Variants in LIMCH1 observed in about 807,000 individuals in gnomAD.
LIMCH1 encodes LIM and calponin homology domains-containing protein 1.
A neutral mutation model predicts 176.5 loss-of-function variants in LIMCH1; 113 were observed. The observed-to-expected ratio is 0.64, with a 90% CI of 0.55 to 0.75. The LOEUF is 0.75. Among genes scored for constraint, LIMCH1 ranks in the 30% least tolerant of loss-of-function variants. The pLI, the probability that LIMCH1 is intolerant of heterozygous loss-of-function variation, is 0.00. For missense variants in LIMCH1, 1,674 were observed against 1,814.9 expected, an observed-to-expected ratio of 0.92 and a Z score of 1.41; for synonymous variants, 619 against 645.9, an observed-to-expected ratio of 0.96 and a Z score of 0.63.
chr4:41,437,561 G>A (rs1016166236), intron 1 of LIMCH1, among the ~76,000 whole-genome samples: 4 of 152,330 alleles, frequency 2.6e-5, no homozygotes, highest in African/African-American at 9.6e-5. Context: ...ACGTAGCATG[G>A]GAAGGATCCA....
At chr4:41,632,671 C>T (rs982943314) in intron 10 of LIMCH1, 78 bp from the exon 11 acceptor site, 69 of 1,154,634 alleles carry the variant, frequency 6.0e-5, no homozygotes, top group Non-Finnish European at 8.2e-5. Flanking sequence ...TCTTTCAGTC[C>T]CAAGGACTTT....
intron 4 of LIMCH1, among the ~76,000 whole-genome samples, chr4:41,606,550 A>G (rs2090739256): frequency 6.6e-6 from 1 of 152,206 alleles, no homozygotes. Context: ...AATTTGGAAA[A>G]CATTTCATAC....
intron 3 of LIMCH1, chr4:41,604,351 T>C (rs964098230): frequency 5.4e-6 from 2 of 373,734 alleles, no homozygotes; most frequent in African/African-American, 4.4e-5. Context: ...TTAAATCTTT[T>C]GCACTTTTAT....
At chr4:41,384,364 C>T (rs1339204838) in intron 1 of LIMCH1, among the ~76,000 whole-genome samples, 3 of 152,012 alleles carry the variant, frequency 2.0e-5, no homozygotes, top group Middle Eastern at 3.4e-3. Context: ...GCCACCACGC[C>T]GGGCTATTTT....
chr4:41,526,040 A>C (rs1200447916), intron 3 of LIMCH1, among the ~76,000 whole-genome samples: 1 of 152,178 alleles, frequency 6.6e-6, no homozygotes, highest in African/African-American at 2.4e-5. Flanking sequence ...TAATTTTAGT[A>C]AAATTAACTG....
chr4:41,650,788 C>A (rs1403755493), intron 18 of LIMCH1, among the ~76,000 whole-genome samples, 180 bp downstream of exon 18: 1 of 152,110 alleles, frequency 6.6e-6, no homozygotes, highest in African/African-American at 2.4e-5. Flanking sequence ...GTCTCACAGT[C>A]CTGGTAGCTA....
At chr4:41,423,497 G>C (rs1289197373) in intron 1 of LIMCH1, among the ~76,000 whole-genome samples, 3 of 152,014 alleles carry the variant, frequency 2.0e-5, no homozygotes, top group Non-Finnish European at 4.4e-5. Context: ...CTAGCAGATG[G>C]ATTTGAGAGT....
chr4:41,609,198 A>G (rs2091119066), intron 4 of LIMCH1, among the ~76,000 whole-genome samples: 1 of 151,526 alleles, frequency 6.6e-6, no homozygotes, highest in South Asian at 2.1e-4. Flanking sequence ...ATCTCTGCCT[A>G]AAAGAGCAAC....
In LIMCH1 at chr4:41,471,805, C is replaced by A. The variant is rs965769834; in HGVS notation, c.97-22731C>A. On this transcript the variant is annotated intron_variant, in intron 1 of 26. Coordinates refer to the LIMCH1 transcript ENST00000313860. ...TACCTTTTTGACTTACTCATTCCAGCCATGTATGTTTGTTCCTGGAACTTC... is the reference window on the plus strand; with the variant it reads ...TACCTTTTTGACTTACTCATTCCAGACATGTATGTTTGTTCCTGGAACTTC... Among the ~76,000 whole-genome samples the A allele has an allele frequency of 3.3e-5, 5 of 152,088 alleles. No individual in the cohort carries two copies. In the East Asian group the frequency reaches 9.6e-4, roughly 29 times the overall value.
At chr4:41,547,184 C>T (rs765672233) in intron 1 of LIMCH1, among the ~76,000 whole-genome samples, 2 of 152,128 alleles carry the variant, frequency 1.3e-5, no homozygotes, top group Non-Finnish European at 2.9e-5. Flanking sequence ...CTACTCTTCA[C>T]ACAATTTTGA....
At chr4:41,691,052 G>A (rs1473649488) in intron 30 of LIMCH1, among the ~76,000 whole-genome samples, 3 of 152,144 alleles carry the variant, frequency 2.0e-5, no homozygotes, top group Non-Finnish European at 4.4e-5. Flanking sequence ...AAGCAAGGTG[G>A]TAAGGGCTCT....
At chr4:41,624,956 C>T (rs1054540614) in intron 7 of LIMCH1, among the ~76,000 whole-genome samples, 26 of 152,126 alleles carry the variant, frequency 1.7e-4, no homozygotes, top group Non-Finnish European at 1.5e-5. Context: ...TGGCATTTCT[C>T]GTTTCACATT....
At chr4:41,672,900 G>A (rs141036591) in intron 22 of LIMCH1, among the ~76,000 whole-genome samples, 38 of 152,272 alleles carry the variant, frequency 2.5e-4, no homozygotes, top group Middle Eastern at 3.4e-3. Flanking sequence ...TTCCTTGACC[G>A]TACAGTAAGA....
chr4:41,627,480 A>C (rs2093044034), intron 8 of LIMCH1, among the ~76,000 whole-genome samples: 1 of 152,214 alleles, frequency 6.6e-6, no homozygotes, highest in African/African-American at 2.4e-5. Context: ...TGGAAGAAAA[A>C]AAAATGAGAC....
intron 1 of LIMCH1, among the ~76,000 whole-genome samples, chr4:41,384,256 G>A (rs2056152309): frequency 6.6e-6 from 1 of 151,888 alleles, no homozygotes; most frequent in Admixed American, 6.6e-5. Flanking sequence ...CCAGGCTGGA[G>A]TGCAGTGGTG....
rs375551836 is a variant in LIMCH1, at chr4:41,695,116, G to T, written c.4379-2044G>T. 3.2e-4 allele frequency among the ~76,000 whole-genome samples: 49 copies of T among 151,944 alleles called. No homozygotes were observed. The South Asian group carries it at 9.9e-3, about 31-fold the overall frequency. ...AGTTCTTTGCAAATTAAAGAAATTT[G>T]CCATTTGTTATATTTGCCGCATATT... On this transcript the variant is annotated intron_variant, in intron 31 of 31. Transcript: ENST00000503057.
At chr4:41,379,433 C>T (rs574990893) in intron 1 of LIMCH1, among the ~76,000 whole-genome samples, 18 of 152,168 alleles carry the variant, frequency 1.2e-4, no homozygotes, top group Non-Finnish European at 1.8e-4. Flanking sequence ...TGGCTTCAGA[C>T]TTCACATGTC....
intron 1 of LIMCH1, among the ~76,000 whole-genome samples, chr4:41,369,037 A>G (rs1310702253): frequency 6.6e-6 from 1 of 152,194 alleles, no homozygotes; most frequent in Non-Finnish European, 1.5e-5. Context: ...ATGTCTTCTC[A>G]TTTGGGAACT....
intron 1 of LIMCH1, among the ~76,000 whole-genome samples, chr4:41,403,674 C>G (rs2058691798): frequency 6.6e-6 from 1 of 152,202 alleles, no homozygotes; most frequent in Admixed American, 6.5e-5. Flanking sequence ...CCACCTAGCT[C>G]CTGCATTGAT....
Sources: gnomAD v4.1 joint callset for allele counts (sites outside exome capture counted in the v4.1 genomes callset) on GRCh38, gnomAD v4.1.1 for gene constraint, MANE v1.5 for transcripts, NCBI Gene and HGNC (gene_info 2026-07-23, HGNC 2026-07-21) for gene names.